The following DCC variants were observed in gnomAD, a reference collection of about 807,000 sequenced individuals.
DCC encodes netrin receptor DCC.
A neutral mutation model predicts 172.5 loss-of-function variants in DCC; 58 were observed. The ratio of observed to expected loss-of-function variants is 0.34; its 90% confidence interval spans 0.27 to 0.42. The LOEUF (loss-of-function observed/expected upper bound fraction) is 0.42, where lower values mean the gene tolerates loss of function less well. DCC is among the 10% of genes least tolerant of loss of function. The pLI, the probability that DCC is intolerant of heterozygous loss-of-function variation, is 1.00. For synonymous variants in DCC, 709 were observed against 644.5 expected (o/e 1.10, Z -1.52); for missense variants, 1,740 against 1,791.0 (o/e 0.97, Z 0.51).
chr18:53,506,657 A>T (rs1241672169), intron 27 of DCC, among the ~76,000 whole-genome samples: 2 of 152,130 alleles, frequency 1.3e-5, no homozygotes, highest in Non-Finnish European at 2.9e-5. Context: ...CAGGAGTTCA[A>T]GACCAGCCTG....
intron 7 of DCC, among the ~76,000 whole-genome samples, chr18:53,072,653 A>G (rs572741518): frequency 6.6e-6 from 1 of 152,340 alleles, no homozygotes; most frequent in Non-Finnish European, 1.5e-5. Flanking sequence ...TGTATTCATT[A>G]TATTCTACCA....
chr18:53,229,904 A>C (rs905247607), intron 12 of DCC, among the ~76,000 whole-genome samples: 3 of 152,156 alleles, frequency 2.0e-5, no homozygotes, highest in Non-Finnish European at 4.4e-5. Flanking sequence ...AAATTTGGTT[A>C]TGAGACTATA....
intron 2 of DCC, among the ~76,000 whole-genome samples, chr18:52,766,888 C>A (rs8083417): frequency 0.11 from 16,759 of 151,906 alleles, 3,045 homozygotes; most frequent in African/African-American, 0.38. Context: ...TCTCTGTTCC[C>A]TGTCCCCATC....
chr18:53,264,078 A>G (rs1192788117), intron 12 of DCC, among the ~76,000 whole-genome samples: 1 of 152,206 alleles, frequency 6.6e-6, no homozygotes, highest in Non-Finnish European at 1.5e-5. Flanking sequence ...TCCCATCAGC[A>G]TAGGAAACAT....
At chr18:53,344,784 C>A (rs1449312416) in intron 15 of DCC, among the ~76,000 whole-genome samples, 2 of 150,770 alleles carry the variant, frequency 1.3e-5, no homozygotes, top group Admixed American at 1.3e-4. Context: ...TCTGATATTG[C>A]ATATTGCAGT....
At chr18:52,982,435 A>C (rs1428573070) in intron 5 of DCC, among the ~76,000 whole-genome samples, 1 of 152,156 alleles carries the variant, frequency 6.6e-6, no homozygotes, top group East Asian at 1.9e-4. Context: ...GAAGCTAAAC[A>C]CTGTATATCT....
chr18:53,479,682 G>C (rs1015898237), intron 25 of DCC, among the ~76,000 whole-genome samples: 1 of 152,040 alleles, frequency 6.6e-6, no homozygotes, highest in South Asian at 2.1e-4. Context: ...TCTGACAAAG[G>C]GTTGGTGAAA....
chr18:52,649,399 T>G (rs2144920086), intron 1 of DCC, among the ~76,000 whole-genome samples: 1 of 151,200 alleles, frequency 6.6e-6, no homozygotes, highest in Non-Finnish European at 1.5e-5. Context: ...AGATTAACTT[T>G]ATTCCAGGTA....
intron 7 of DCC, among the ~76,000 whole-genome samples, chr18:53,130,622 A>C (rs546236321): frequency 1.3e-5 from 2 of 152,226 alleles, no homozygotes; most frequent in East Asian, 3.9e-4. Context: ...TGTGCCTAAC[A>C]CAAAATTCCG....
intron 9 of DCC, among the ~76,000 whole-genome samples, chr18:53,197,428 T>TG (rs923779510): frequency 2.0e-5 from 3 of 150,190 alleles, no homozygotes; most frequent in Non-Finnish European, 4.5e-5. Flanking sequence ...AGTTTTTTTT[T>TG]TTTTTTTTTT....
intron 12 of DCC, among the ~76,000 whole-genome samples, chr18:53,281,705 A>G (rs778915863): frequency 4.7e-4 from 71 of 151,488 alleles, no homozygotes; most frequent in South Asian, 1.2e-3. Flanking sequence ...TTAGTTTGCA[A>G]TTGGCCTAGG....
At chr18:52,519,166 C>T (rs1166245914) in intron 1 of DCC, among the ~76,000 whole-genome samples, 3 of 152,140 alleles carry the variant, frequency 2.0e-5, no homozygotes, top group African/African-American at 7.2e-5. Flanking sequence ...GGGAGAGCTC[C>T]AGAATGTAGC....
chr18:52,425,312 T>C, intron 1 of DCC, among the ~76,000 whole-genome samples: 1 of 152,148 alleles, frequency 6.6e-6, no homozygotes, highest in East Asian at 1.9e-4. Context: ...GCTTCTGTCA[T>C]CCTCAGATAG....
At chr18:52,575,474 A>G (rs983015455) in intron 1 of DCC, among the ~76,000 whole-genome samples, 16 of 152,138 alleles carry the variant, frequency 1.1e-4, no homozygotes, top group African/African-American at 3.9e-4. Context: ...TTTGTACCCA[A>G]TCCTAATGTG....
intron 1 of DCC, among the ~76,000 whole-genome samples, chr18:52,702,436 T>A (rs1184702880): frequency 6.6e-6 from 1 of 152,166 alleles, no homozygotes; most frequent in East Asian, 1.9e-4. Context: ...ACATCTTTAA[T>A]ACACCCCTGA....
At chr18:53,170,971 T>A (rs2055005337) in intron 8 of DCC, among the ~76,000 whole-genome samples, 2 of 152,182 alleles carry the variant, frequency 1.3e-5, no homozygotes, top group Admixed American at 1.3e-4. Flanking sequence ...TGGCAACTTC[T>A]GCCTCCAGGC....
intron 5 of DCC, among the ~76,000 whole-genome samples, chr18:53,058,360 T>C (rs185795672): frequency 2.1e-4 from 32 of 152,274 alleles, no homozygotes; most frequent in African/African-American, 7.2e-4. Flanking sequence ...GTCTTTATTC[T>C]GTGGACATTG....
rs189114617 is a variant in DCC at position 53,255,716 on chromosome 18, G to A, written c.1911+40119G>A. Among the ~76,000 whole-genome samples, 133 of 152,082 alleles carry A rather than the reference G, an allele frequency of 8.7e-4. 1 individual carries two copies. Among genetic ancestry groups the A allele is most frequent in the African/African-American group, 2.9e-3 (119 of 41,494 alleles). On this transcript the variant is annotated intron_variant, in intron 12 of 28. Transcript: ENST00000442544. ...ATAGCAGCATGTTTTATATTCCTTTGGGTATATACCCAGTAACGGGATGGC... is the reference window on the plus strand; with the variant it reads ...ATAGCAGCATGTTTTATATTCCTTTAGGTATATACCCAGTAACGGGATGGC...
chr18:53,314,278 G>A (rs2057318894), intron 13 of DCC, among the ~76,000 whole-genome samples: 1 of 151,634 alleles, frequency 6.6e-6, no homozygotes, highest in Non-Finnish European at 1.5e-5. Context: ...CACTTACTTG[G>A]GTATAAAAAA....
Sources: gnomAD v4.1 joint callset for allele counts (sites outside exome capture counted in the v4.1 genomes callset) on GRCh38, gnomAD v4.1.1 for gene constraint, MANE v1.5 for transcripts, NCBI Gene and HGNC (gene_info 2026-07-23, HGNC 2026-07-21) for gene names.